Variants in RBMS1 observed in about 807,000 individuals in gnomAD.
RBMS1 encodes the protein RNA binding motif single stranded interacting protein 1, also known as RNA-binding motif, single-stranded-interacting protein 1.
In RBMS1, 17 loss-of-function variants were observed where a neutral mutation model predicts 62.3. That is an observed-to-expected ratio of 0.27 (90% CI 0.19 to 0.41). RBMS1 has a LOEUF of 0.41. RBMS1 is among the 10% of genes least tolerant of loss of function. RBMS1 has a pLI of 1.00. For synonymous variants in RBMS1, 172 were observed against 170.0 expected (o/e 1.01, Z -0.09); for missense variants, 334 against 504.5 (o/e 0.66, Z 3.24).
At chr2:160,444,244 T>C (rs921748524) in intron 1 of RBMS1, among the ~76,000 whole-genome samples, 3 of 152,172 alleles carry the variant, frequency 2.0e-5, no homozygotes, top group Admixed American at 6.5e-5. Context: ...TTCCCTTATA[T>C]TTAAGCATCT....
At chr2:160,335,130 C>T (rs1446127399) in intron 2 of RBMS1, among the ~76,000 whole-genome samples, 1 of 152,094 alleles carries the variant, frequency 6.6e-6, no homozygotes, top group South Asian at 2.1e-4. Context: ...GAAATGATTC[C>T]TGGAGAAATG....
At chr2:160,274,854 T>G (rs1687747003) in intron 13 of RBMS1, 90 bp from the exon 14 acceptor site, 1 of 152,624 alleles carries the variant, frequency 6.6e-6, no homozygotes, top group African/African-American at 2.4e-5. Context: ...TTTAAAGAGA[T>G]ATGTGTTTGA....
At chr2:160,342,772 A>G (rs1691948059) in intron 2 of RBMS1, among the ~76,000 whole-genome samples, 2 of 40,508 alleles carry the variant, frequency 4.9e-5, no homozygotes, top group African/African-American at 1.2e-4. Flanking sequence ...CAAAATACAA[A>G]AAAAAAAAAA....
chr2:160,334,094 T>C (rs951385051), intron 2 of RBMS1, among the ~76,000 whole-genome samples: 3 of 152,314 alleles, frequency 2.0e-5, no homozygotes, highest in East Asian at 3.9e-4. Context: ...TTCTTTCTAA[T>C]GAGGAAATCC....
At chr2:160,453,732 A>G (rs1323521490) in intron 1 of RBMS1, among the ~76,000 whole-genome samples, 1 of 152,072 alleles carries the variant, frequency 6.6e-6, no homozygotes, top group Non-Finnish European at 1.5e-5. Flanking sequence ...AATCACCCAA[A>G]TGACCCAGAA....
chr2:160,378,769 T>C (rs918092575), intron 1 of RBMS1, among the ~76,000 whole-genome samples: 5 of 152,224 alleles, frequency 3.3e-5, no homozygotes, highest in Non-Finnish European at 7.3e-5. Flanking sequence ...CACAAATTCA[T>C]ACACTCAAAA....
chr2:160,324,905 TATACACAC>T (rs1410124319), intron 2 of RBMS1, among the ~76,000 whole-genome samples: 8 of 118,702 alleles, frequency 6.7e-5, no homozygotes, highest in East Asian at 2.4e-4. Context: ...TATATATATA[TATACACAC>T]ACACACACAC....
chr2:160,470,595 T>C (rs1461789269), intron 1 of RBMS1, among the ~76,000 whole-genome samples: 1 of 152,170 alleles, frequency 6.6e-6, no homozygotes, highest in Non-Finnish European at 1.5e-5. Flanking sequence ...TGTTGCCTCA[T>C]CCATAGAACA....
intron 1 of RBMS1, among the ~76,000 whole-genome samples, chr2:160,426,305 G>GAAA (rs1559537582): frequency 2.2e-3 from 133 of 61,602 alleles, no homozygotes; most frequent in Non-Finnish European, 3.6e-3. Flanking sequence ...AAAGAAGGAA[G>GAAA]GAAGGAAGGA....
chr2:160,343,315 C>A (rs1178327603), intron 2 of RBMS1, among the ~76,000 whole-genome samples: 3 of 152,144 alleles, frequency 2.0e-5, no homozygotes, highest in Non-Finnish European at 4.4e-5. Context: ...CTTGGAATGT[C>A]ATAAATTTTT....
intron 2 of RBMS1, among the ~76,000 whole-genome samples, chr2:160,359,553 C>A (rs1019796128): frequency 6.6e-6 from 1 of 152,114 alleles, no homozygotes; most frequent in Non-Finnish European, 1.5e-5. Flanking sequence ...AAAATAAGGG[C>A]TCTCCTATTT....
At chr2:160,330,012 C>A (rs1259847796) in intron 2 of RBMS1, among the ~76,000 whole-genome samples, 1 of 152,038 alleles carries the variant, frequency 6.6e-6, no homozygotes, top group Non-Finnish European at 1.5e-5. Context: ...CAAGTACTAG[C>A]AAAGTCCTTA....
At position 160,480,916 on chromosome 2, in the gene RBMS1, T is replaced by C. The variant is rs756734195; in HGVS notation, c.75+12373A>G. Among the ~76,000 whole-genome samples, 78 of 151,300 alleles carry C rather than the reference T, an allele frequency of 5.2e-4. 1 individual carries two copies. Among genetic ancestry groups the C allele is most frequent in the Admixed American group, 8.5e-4 (13 of 15,212 alleles). On this transcript the variant is annotated intron_variant, in intron 1 of 13. Coordinates refer to ENST00000348849, the MANE Select transcript of RBMS1 (RefSeq NM_016836.4). Reference sequence around the variant, plus strand: ...CAACATACCGAAACCCCATCTCTACTAAAAATACAAAAAAATTACCCAGGC... The same window carrying C: ...CAACATACCGAAACCCCATCTCTACCAAAAATACAAAAAAATTACCCAGGC...
chr2:160,278,342 A>G (rs1687939188), intron 11 of RBMS1: 1 of 593,984 alleles, frequency 1.7e-6, no homozygotes, highest in Admixed American at 2.7e-5. Context: ...CTCGTAAAGG[A>G]GAGATACCCA....
chr2:160,300,557 A>G lies in RBMS1; in HGVS notation c.640+94T>C, dbSNP rs531284615. The G allele has an allele frequency of 1.4e-5, 20 of 1,395,520 alleles. 1 individual carries two copies. In the South Asian group the frequency reaches 2.1e-4, roughly 15 times the overall value. The allele number at this position is 1,395,520 out of a possible 1,614,324, so 86.4% of individuals were successfully genotyped here. On this transcript the variant is annotated intron_variant, in intron 6 of 13. Transcript: ENST00000348849. The stretch of plus-strand genomic sequence containing the variant: ...AAAATGCATCTTAAAGAGTGAAATG[A>G]GGGGTTTTTGTTCTATTGAAGAGTC...
chr2:160,284,997 G>T lies in RBMS1; in HGVS notation c.804C>A (p.Asn268Lys). ...ATGGATTTATTTTAACGACATACCC[G>T]TTCTGTATAGCAGCTGTAGTTGGGT... ...TYDPTTAAIQ[N>K]GFYPSPYSIA... The change falls in exon 8 of 14, where the codon AAC becomes AAA. Residue 268 changes from asparagine to lysine, a missense_variant and splice_region_variant. Asn to Lys is a moderately conservative substitution (Grantham distance 94). This residue lies in a region of RBMS1 where 182 missense variants were observed against 257.7 expected (regional missense o/e 0.71). Transcript: ENST00000348849. The T allele has an allele frequency of 6.2e-7, 1 of 1,612,618 alleles. No individual in the cohort carries two copies. Among genetic ancestry groups the T allele is most frequent in the South Asian group, 1.1e-5 (1 of 91,042 alleles).
intron 2 of RBMS1, among the ~76,000 whole-genome samples, chr2:160,320,099 T>A (rs578078406): frequency 3.3e-5 from 5 of 152,326 alleles, no homozygotes; most frequent in African/African-American, 1.2e-4. Context: ...CAACCATCTA[T>A]CTACCTAGGT....
intron 1 of RBMS1, among the ~76,000 whole-genome samples, chr2:160,477,028 A>G (rs1685171124): frequency 6.6e-6 from 1 of 152,186 alleles, no homozygotes; most frequent in East Asian, 1.9e-4. Flanking sequence ...TTCCCCTAGC[A>G]TTAAATGTTA....
At chr2:160,352,010 G>A (rs1018681157) in intron 2 of RBMS1, among the ~76,000 whole-genome samples, 2 of 152,074 alleles carry the variant, frequency 1.3e-5, no homozygotes, top group African/African-American at 4.8e-5. Context: ...CAACCCAGGA[G>A]TAGTTTTTCC....
Sources: allele counts gnomAD v4.1 joint callset (sites outside exome capture counted in the v4.1 genomes callset), GRCh38; gene constraint gnomAD v4.1.1; regional missense constraint gnomAD v4.1.1; transcripts MANE v1.5; gene names NCBI Gene and HGNC (gene_info 2026-07-23, HGNC 2026-07-21).